Variants in EVPL observed in about 807,000 individuals in gnomAD.
The protein encoded by EVPL is envoplakin, also known as 210 kDa cornified envelope precursor protein.
Under a neutral mutation model 129.7 loss-of-function variants are expected in EVPL, and 94 were observed. The observed-to-expected ratio is 0.72, with a 90% confidence interval of 0.61 to 0.86. The LOEUF (loss-of-function observed/expected upper bound fraction) is 0.86, where lower values mean the gene tolerates loss of function less well. Ranked by LOEUF, EVPL falls within the 40% of genes least tolerant of loss-of-function variation. The pLI is 0.00. For synonymous variants in EVPL, 1,172 were observed against 1,191.1 expected, an observed-to-expected ratio of 0.98 and a Z score of 0.33; for missense variants, 2,625 against 2,721.1, an observed-to-expected ratio of 0.96 and a Z score of 0.79.
rs563813800 is a variant in EVPL at position 76,013,862 on chromosome 17, T to G, written c.2373+564A>C. Among the ~76,000 whole-genome samples, 2 of 151,962 alleles carry G rather than the reference T, an allele frequency of 1.3e-5. No individual in the cohort carries two copies. Among genetic ancestry groups the G allele is most frequent in the South Asian group, 4.2e-4 (2 of 4,810 alleles). The stretch of plus-strand genomic sequence containing the variant: ...AGCTTCTGGGGGCTGCAGGAGAGAG[T>G]GCAGCCTGGGTCCTGTGCCGGAAGG... On this transcript the variant is annotated intron_variant, in intron 18 of 21. Coordinates refer to ENST00000301607, the MANE Select transcript of EVPL (RefSeq NM_001988.4). The surrounding 1 kb of genome is among the most constrained non-coding windows in gnomAD (Gnocchi z 4.3).
chr17:76,011,049 G>A (rs1035588947), intron 21 of EVPL, among the ~76,000 whole-genome samples: 1 of 152,166 alleles, frequency 6.6e-6, no homozygotes, highest in Non-Finnish European at 1.5e-5. Context: ...GTGATAGAGC[G>A]AGACTCCGTC....
intron 10 of EVPL, 111 bp from the exon 11 acceptor site, chr17:76,019,171 C>T: frequency 8.2e-7 from 1 of 1,217,316 alleles, no homozygotes; most frequent in Non-Finnish European, 1.1e-6. Context: ...AGGCAGGGGT[C>T]TCTAAGTCAG....
Position 76,007,064 on chromosome 17 carries a change from C to T in EVPL, c.*39G>A, listed in dbSNP as rs2066321235. The T allele has an allele frequency of 1.4e-6, 2 of 1,418,490 alleles. No homozygotes were observed. The highest frequency in any genetic ancestry group is 2.6e-5 in the Admixed American group (1 of 38,614). 87.9% of individuals were successfully genotyped at this position (1,418,490 alleles called of 1,614,324 possible). A position where few individuals can be genotyped will look rare whatever the true frequency, so the allele number is the denominator to read the frequency against. On this transcript the variant is annotated 3_prime_UTR_variant, in exon 22 of 22. Coordinates refer to ENST00000301607, the MANE Select transcript of EVPL (RefSeq NM_001988.4). The surrounding 1 kb of genome is among the most constrained non-coding windows in gnomAD (Gnocchi z 8.8). ...CAAGAGGTGTACGTATCCTACCTGG[C>T]CCAACACACGCACTTCCCCACTGGC...
chr17:76,025,220 T>C (rs1238091021), intron 1 of EVPL, among the ~76,000 whole-genome samples: 1 of 152,342 alleles, frequency 6.6e-6, no homozygotes, highest in South Asian at 2.1e-4. Flanking sequence ...ATTGAATTTA[T>C]CCATCTGAAA....
chr17:76,007,438 T>A lies in EVPL; in HGVS notation c.5767A>T (p.Lys1923Ter). Residue 1923 changes from lysine (K) to a stop codon, truncating the protein, a stop_gained, in exon 22 of 22, where the codon AAG becomes TAG. Coordinates refer to ENST00000301607, the MANE Select transcript of EVPL (RefSeq NM_001988.4). LOFTEE classifies it low-confidence loss of function (END_TRUNC). This position sits in a 1 kb window ranked among gnomAD's most constrained non-coding sequence, Gnocchi z 8.8. ...KRLSVGEAVQ[K>*]GWMPRESVLP... The stretch of plus-strand genomic sequence containing the variant: ...ACGCTCTCCCGGGGCATCCAGCCCT[T>A]CTGGACGGCCTCGCCCACCGAGAGC... The A allele has an allele frequency of 6.2e-7, 1 of 1,605,206 alleles. No homozygotes were observed. The highest frequency in any genetic ancestry group is 8.5e-7 in the Non-Finnish European group (1 of 1,176,438).
rs754243088 is a variant in EVPL, at chr17:76,022,275, G to A, written c.607-48C>T. 1.1e-5 allele frequency: 17 copies of A among 1,608,942 alleles called. No individual in the cohort carries two copies. Among genetic ancestry groups the A allele is most frequent in the Admixed American group, 6.7e-5 (4 of 59,296 alleles). Reference sequence around the variant, plus strand: ...CAAGCCCGTGAGAGGTGGGGTGCAGGGAGACGGCCCCCTAAGATCTGGGCC... The same window carrying A: ...CAAGCCCGTGAGAGGTGGGGTGCAGAGAGACGGCCCCCTAAGATCTGGGCC... On this transcript the variant is annotated intron_variant, in intron 5 of 21. Coordinates refer to ENST00000301607, the MANE Select transcript of EVPL (RefSeq NM_001988.4). The surrounding 1 kb of genome is among the most constrained non-coding windows in gnomAD (Gnocchi z 5.6).
chr17:76,021,116 A>C (rs1490553610), intron 9 of EVPL, among the ~76,000 whole-genome samples: 1 of 151,952 alleles, frequency 6.6e-6, no homozygotes. Flanking sequence ...AGTGCAGTGG[A>C]CCAATCTCGG....
Position 76,022,186 on chromosome 17 carries a change from C to A in EVPL, c.645+3G>T. The A allele has an allele frequency of 1.2e-6, 2 of 1,612,870 alleles. No individual in the cohort carries two copies. The highest frequency in any genetic ancestry group is 1.1e-5 in the South Asian group (1 of 91,042). ...TCCCTGCCCGACCCTCCCTCCTGCT[C>A]ACCAGTAGGTCTCGGTATTGGCTCC... On this transcript the variant is annotated splice_donor_region_variant and intron_variant, in intron 6 of 21. Transcript: ENST00000301607. The surrounding 1 kb of genome is among the most constrained non-coding windows in gnomAD (Gnocchi z 5.6).
chr17:76,009,520 T>A lies in EVPL; in HGVS notation c.3685A>T (p.Lys1229Ter), dbSNP rs777119774. 1 of 1,613,884 alleles carries A rather than the reference T, an allele frequency of 6.2e-7. No homozygotes were observed. The highest frequency in any genetic ancestry group is 8.5e-7 in the Non-Finnish European group (1 of 1,179,982). The stretch of plus-strand genomic sequence containing the variant: ...TCGGGCAGCAGCTTCTCCACCTCCT[T>A]CTCCACACCGCTCCTCTTGCCCGCC... ...EMAGKRSGVE[K>*]EVEKLLPDLE... Residue 1229 changes from lysine to a stop codon, truncating the protein, a stop_gained, in exon 22 of 22, where the codon AAG becomes TAG. Transcript: ENST00000301607. LOFTEE classifies it low-confidence loss of function (END_TRUNC). This position sits in a 1 kb window ranked among gnomAD's most constrained non-coding sequence, Gnocchi z 5.9.
In EVPL at chr17:76,015,043, A is replaced by C. The variant is rs2066407440; in HGVS notation, c.2095T>G (p.Ser699Ala). Residue 699 changes from serine to alanine, a missense_variant, in exon 17 of 22, where the codon TCG becomes GCG. By Grantham distance (99) the Ser-to-Ala change is moderately conservative (BLOSUM62 1). Coordinates refer to ENST00000301607, the MANE Select transcript of EVPL (RefSeq NM_001988.4). ...TGCAGGGCAGCGCATGCGTGCTCCG[A>C]GGCCTTCAGCGCGCGGTGTAGCCGC... ...VLRLHRALKASEHACAALQNN... is the reference protein window; with the variant it reads ...VLRLHRALKAAEHACAALQNN... 1 of 1,591,044 alleles carries C rather than the reference A, an allele frequency of 6.3e-7. No individual in the cohort carries two copies. The highest frequency in any genetic ancestry group is 8.5e-7 in the Non-Finnish European group (1 of 1,173,610).
rs770188677 is a variant in EVPL, at chr17:76,008,282, C to T, written c.4923G>A (p.Leu1641=). ...CCTTCTCGCGGAGGATGGCCGCCTC[C>T]AGCCGCGAGAGCTCCTGGCCCCGCT... ...AAQRGQELSR[L]EAAILREKDQ... The change falls in exon 22 of 22, where the codon CTG becomes CTA. Residue 1641 remains leucine, a synonymous_variant. Transcript: ENST00000301607. The surrounding 1 kb of genome is among the most constrained non-coding windows in gnomAD (Gnocchi z 7.4). The T allele has an allele frequency of 3.7e-6, 6 of 1,611,602 alleles. No homozygotes were observed. The Admixed American group carries it at 1.0e-4, about 27-fold the overall frequency.
chr17:76,023,070 C>T (rs1447412316), intron 4 of EVPL, among the ~76,000 whole-genome samples: 2 of 152,164 alleles, frequency 1.3e-5, no homozygotes, highest in African/African-American at 2.4e-5. Flanking sequence ...CTCACTACTT[C>T]ACCCTGGCCC....
intron 17 of EVPL, 28 bp from the exon 18 acceptor site, chr17:76,014,604 GAT>G (rs748870925): frequency 6.2e-7 from 1 of 1,606,208 alleles, no homozygotes; most frequent in Non-Finnish European, 8.5e-7. Context: ...CCAGAACAGA[GAT>G]AAGACCTGCC....
In EVPL at chr17:76,013,922, CCT is replaced by C. The variant is rs1206915284; in HGVS notation, c.2373+502_2373+503del. ...GTCTGCCCATCTGGTCGCCCTCGCC[CCT>C]GAGTCCCCCTCCTTTCCCCTGACTG... On this transcript the variant is annotated intron_variant, in intron 18 of 21. Coordinates refer to ENST00000301607, the MANE Select transcript of EVPL (RefSeq NM_001988.4). This position sits in a 1 kb window ranked among gnomAD's most constrained non-coding sequence, Gnocchi z 4.3. Among the ~76,000 whole-genome samples the C allele has an allele frequency of 6.6e-6, 1 of 152,112 alleles. No homozygotes were observed. Among genetic ancestry groups the C allele is most frequent in the African/African-American group, 2.4e-5 (1 of 41,420 alleles).
intron 1 of EVPL, among the ~76,000 whole-genome samples, chr17:76,025,620 C>T (rs2066493197): frequency 6.6e-6 from 1 of 152,196 alleles, no homozygotes; most frequent in Non-Finnish European, 1.5e-5. Flanking sequence ...GGACAGGTCA[C>T]TCAGCGAGAG....
rs747477924 is a variant in EVPL at position 76,015,538 on chromosome 17, G to A, written c.1801C>T (p.Pro601Ser). 9.9e-6 allele frequency: 16 copies of A among 1,612,882 alleles called. No homozygotes were observed. Among genetic ancestry groups the A allele is most frequent in the South Asian group, 5.5e-5 (5 of 91,084 alleles). The change falls in exon 15 of 22, where the codon CCC becomes TCC. Residue 601 changes from proline to serine, a missense_variant. By Grantham distance (74) the Pro-to-Ser change is moderately conservative (BLOSUM62 -1). Transcript: ENST00000301607. ...EAFLSTRPVG[P>S]AALQLPVALN... ...GCTACGGGCAGCTGCAGGGCAGCGG[G>A]GCCCACGGGCCGCGTGGACAGAAAC...
At chr17:76,025,685 C>T (rs932527244) in intron 1 of EVPL, among the ~76,000 whole-genome samples, 19 of 152,244 alleles carry the variant, frequency 1.2e-4, no homozygotes, top group African/African-American at 3.1e-4. Flanking sequence ...CACCCAGCCT[C>T]GGTGTCTGTT....
At chr17:76,026,896 C>A (rs2066501753) in intron 1 of EVPL, among the ~76,000 whole-genome samples, 2 of 152,158 alleles carry the variant, frequency 1.3e-5, no homozygotes, top group Non-Finnish European at 2.9e-5. Context: ...CTGCCTCCTG[C>A]CAGGGCTGAA....
In EVPL at chr17:76,014,556, G is replaced by A. The variant is rs867614477; in HGVS notation, c.2243C>T (p.Ala748Val). 1.2e-6 allele frequency: 2 copies of A among 1,611,982 alleles called. No homozygotes were observed. The highest frequency in any genetic ancestry group is 1.7e-6 in the Non-Finnish European group (2 of 1,179,482). Reference sequence around the variant, plus strand: ...CTTGAACTGCTGGTAGGTGAGGGCGGCATCCTGCACCACCTTCTCCCTGCA... The same window carrying A: ...CTTGAACTGCTGGTAGGTGAGGGCGACATCCTGCACCACCTTCTCCCTGCA... The part of the protein sequence containing the change: ...LDLREKVVQD[A>V]ALTYQQFKNC... The change falls in exon 18 of 22, where the codon GCC becomes GTC. Residue 748 changes from alanine (A) to valine (V), a missense_variant. Transcript: ENST00000301607.
Sources: gnomAD v4.1 joint callset for allele counts (sites outside exome capture counted in the v4.1 genomes callset) on GRCh38, gnomAD v4.1.1 for gene constraint, Gnocchi (gnomAD v3.1) non-coding constraint, MANE v1.5 for transcripts, NCBI Gene and HGNC (gene_info 2026-07-23, HGNC 2026-07-21) for gene names.